Variants in PPM1L observed in about 807,000 individuals in gnomAD.
PPM1L encodes protein phosphatase, Mg2+/Mn2+ dependent 1L.
A neutral mutation model predicts 31.4 loss-of-function variants in PPM1L; 13 were observed. The observed-to-expected ratio is 0.41, with a 90% CI of 0.27 to 0.66. The LOEUF is 0.66. Among genes scored for constraint, PPM1L ranks in the 30% least tolerant of loss-of-function variants. The probability of loss-of-function intolerance (pLI) is 0.29; values close to 1 mark genes in which losing one functional copy is unlikely to be tolerated. For synonymous variants in PPM1L, 184 were observed against 175.4 expected (o/e 1.05, Z -0.39); for missense variants, 326 against 453.7 (o/e 0.72, Z 2.56).
At chr3:160,906,291 T>A (rs987668783) in intron 1 of PPM1L, among the ~76,000 whole-genome samples, 5 of 152,142 alleles carry the variant, frequency 3.3e-5, no homozygotes, top group Admixed American at 2.6e-4. Context: ...AATATTTGTA[T>A]AATAATTGTT....
Position 160,797,449 on chromosome 3 carries a change from G to A in PPM1L, c.399+40742G>A, listed in dbSNP as rs185995378. Among the ~76,000 whole-genome samples, 52 of 152,250 alleles carry A rather than the reference G, an allele frequency of 3.4e-4. No individual in the cohort carries two copies. The Middle Eastern group carries it at 0.014, about 40-fold the overall frequency. The stretch of plus-strand genomic sequence containing the variant: ...TAGGCCAATTAGTAACTCTTCAGTA[G>A]CCTCTAAGTGTTCAAGTGAAAGGAA... On this transcript the variant is annotated intron_variant, in intron 1 of 3. Coordinates refer to ENST00000498165, the MANE Select transcript of PPM1L (RefSeq NM_139245.4).
chr3:160,838,341 G>A (rs569818965), intron 1 of PPM1L, among the ~76,000 whole-genome samples: 1 of 152,276 alleles, frequency 6.6e-6, no homozygotes, highest in African/African-American at 2.4e-5. Context: ...TTAAGTAGGG[G>A]CTTGCATGTA....
At chr3:160,758,835 T>G (rs1198774854) in intron 1 of PPM1L, among the ~76,000 whole-genome samples, 1 of 152,232 alleles carries the variant, frequency 6.6e-6, no homozygotes, top group Non-Finnish European at 1.5e-5. Context: ...TGAAATACTT[T>G]TCTTTGTGCC....
At chr3:161,060,935 T>C (rs988811670) in intron 2 of PPM1L, among the ~76,000 whole-genome samples, 1 of 151,998 alleles carries the variant, frequency 6.6e-6, no homozygotes, top group Non-Finnish European at 1.5e-5. Flanking sequence ...AAATATTTTA[T>C]CTCAGAACTA....
intron 2 of PPM1L, among the ~76,000 whole-genome samples, chr3:160,983,213 G>A (rs1000970693): frequency 2.6e-5 from 4 of 152,128 alleles, no homozygotes; most frequent in African/African-American, 7.2e-5. Context: ...TGATATAATT[G>A]CATTTGCAAA....
intron 2 of PPM1L, among the ~76,000 whole-genome samples, chr3:161,014,473 AT>A (rs66734087): frequency 0.25 from 32,884 of 129,030 alleles, 4,152 homozygotes; most frequent in South Asian, 0.34. Context: ...TCAAGTCAGG[AT>A]TTTTTTTTTT....
At chr3:160,998,291 G>A (rs1048064343) in intron 2 of PPM1L, among the ~76,000 whole-genome samples, 1 of 152,092 alleles carries the variant, frequency 6.6e-6, no homozygotes, top group African/African-American at 2.4e-5. Flanking sequence ...TTTACAGCCG[G>A]ACTCTGTTCT....
intron 1 of PPM1L, among the ~76,000 whole-genome samples, chr3:160,833,000 A>G (rs539452472): frequency 1.8e-4 from 27 of 152,188 alleles, no homozygotes; most frequent in African/African-American, 5.1e-4. Flanking sequence ...GCTCCCACTT[A>G]TAAGTGAGAA....
intron 1 of PPM1L, among the ~76,000 whole-genome samples, chr3:160,960,348 A>G (rs1285005317): frequency 2.0e-5 from 3 of 152,128 alleles, no homozygotes; most frequent in African/African-American, 4.8e-5. Context: ...ATTCATTTAT[A>G]ATTTAGTTAT....
chr3:160,944,832 A>ATATGTTATATAACATATAT (rs1553748183), intron 1 of PPM1L, among the ~76,000 whole-genome samples: 2 of 57,048 alleles, frequency 3.5e-5, no homozygotes, highest in Admixed American at 2.2e-4. Context: ...TATATATAAC[A>ATATGTTATATAACATATAT]TATATATGTT....
At chr3:160,827,087 ACT>A (rs1560118152) in intron 1 of PPM1L, among the ~76,000 whole-genome samples, 1 of 152,138 alleles carries the variant, frequency 6.6e-6, no homozygotes, top group Non-Finnish European at 1.5e-5. Flanking sequence ...TCACTAGGAC[ACT>A]GTTGTTCTTT....
intron 2 of PPM1L, among the ~76,000 whole-genome samples, chr3:161,019,752 T>C (rs1046521820): frequency 6.6e-6 from 1 of 152,112 alleles, no homozygotes; most frequent in East Asian, 1.9e-4. Context: ...TCCACTAGGG[T>C]CACAGTAATG....
chr3:160,886,021 A>G lies in PPM1L; in HGVS notation c.400-75715A>G, dbSNP rs188222577. ...CCACACTTTGCTTTTCCCCTGCTGG[A>G]GCCAGTGAGGCTGGATGGCTTGGTC... On this transcript the variant is annotated intron_variant, in intron 1 of 3. Coordinates refer to ENST00000498165, the MANE Select transcript of PPM1L (RefSeq NM_139245.4). Among the ~76,000 whole-genome samples, 4 of 152,324 alleles carry G rather than the reference A, an allele frequency of 2.6e-5. No individual in the cohort carries two copies. The East Asian group carries it at 7.7e-4, about 29-fold the overall frequency.
At chr3:161,028,525 G>T (rs999633685) in intron 2 of PPM1L, among the ~76,000 whole-genome samples, 3 of 152,088 alleles carry the variant, frequency 2.0e-5, no homozygotes, top group Non-Finnish European at 2.9e-5. Context: ...ACAGTAAAAA[G>T]AACCAAACAG....
intron 2 of PPM1L, among the ~76,000 whole-genome samples, chr3:161,055,309 CA>C (rs922394823): frequency 8.6e-5 from 13 of 152,026 alleles, no homozygotes; most frequent in African/African-American, 3.1e-4. Flanking sequence ...GAGTAGGGGT[CA>C]GGGAGTCTTA....
chr3:160,853,702 T>C (rs1711593189), intron 1 of PPM1L, among the ~76,000 whole-genome samples: 1 of 152,036 alleles, frequency 6.6e-6, no homozygotes, highest in Non-Finnish European at 1.5e-5. Context: ...ATCATGAAAA[T>C]AATTTATTTG....
chr3:160,903,191 G>A (rs1480220279), intron 1 of PPM1L, among the ~76,000 whole-genome samples: 3 of 137,170 alleles, frequency 2.2e-5, no homozygotes, highest in African/African-American at 8.8e-5. Context: ...GTGTGTGTGT[G>A]TGGTATGTGT....
intron 3 of PPM1L, among the ~76,000 whole-genome samples, 185 bp downstream of exon 3, chr3:161,065,749 T>A (rs948246314): frequency 2.6e-5 from 4 of 152,182 alleles, no homozygotes; most frequent in African/African-American, 9.6e-5. Context: ...TCTTCCTTCA[T>A]AGCCAAAGAT....
chr3:160,798,033 C>G (rs1034123074), intron 1 of PPM1L, among the ~76,000 whole-genome samples: 7 of 152,110 alleles, frequency 4.6e-5, no homozygotes, highest in Non-Finnish European at 1.0e-4. Context: ...CAAAAATTAG[C>G]TGGGCGTGGT....
Sources: allele counts gnomAD v4.1 joint callset (sites outside exome capture counted in the v4.1 genomes callset), GRCh38; gene constraint gnomAD v4.1.1; transcripts MANE v1.5; gene names NCBI Gene and HGNC (gene_info 2026-07-23, HGNC 2026-07-21).